Variants in CADM2 observed in about 807,000 individuals in gnomAD.
The protein encoded by CADM2 is cell adhesion molecule 2.
In CADM2, 12 loss-of-function variants were observed where a neutral mutation model predicts 49.8. The observed-to-expected ratio is 0.24, with a 90% CI of 0.15 to 0.39. CADM2 has a LOEUF of 0.39. Among genes scored for constraint, CADM2 ranks in the 10% least tolerant of loss-of-function variants. CADM2 has a pLI of 1.00. For missense variants in CADM2, 378 were observed against 492.3 expected (o/e 0.77, Z 2.20); for synonymous variants, 214 against 175.4 (o/e 1.22, Z -1.74).
intron 1 of CADM2, among the ~76,000 whole-genome samples, chr3:85,418,788 C>T (rs1241565038): frequency 6.6e-6 from 1 of 152,032 alleles, no homozygotes; most frequent in Non-Finnish European, 1.5e-5. Context: ...GCAATGGGAG[C>T]TGGGTATTAT....
chr3:85,719,803 T>A (rs2067432734), intron 1 of CADM2, among the ~76,000 whole-genome samples: 1 of 152,244 alleles, frequency 6.6e-6, no homozygotes, highest in South Asian at 2.1e-4. Context: ...TTTACTTAAA[T>A]ATTTAAAACA....
chr3:85,755,225 C>G (rs2069055121), intron 2 of CADM2, among the ~76,000 whole-genome samples: 2 of 152,178 alleles, frequency 1.3e-5, no homozygotes, highest in Non-Finnish European at 2.9e-5. Flanking sequence ...GTGGGGGTTC[C>G]CTCAAGCCTT....
intron 3 of CADM2, among the ~76,000 whole-genome samples, chr3:85,871,891 A>G (rs77418629): frequency 0.016 from 2,474 of 152,278 alleles, 62 homozygotes; most frequent in African/African-American, 0.056. Context: ...ATTCCCCAAA[A>G]TATTTGCATG....
intron 1 of CADM2, among the ~76,000 whole-genome samples, chr3:85,390,269 C>A (rs1055600795): frequency 6.6e-6 from 1 of 152,120 alleles, no homozygotes; most frequent in Non-Finnish European, 1.5e-5. Context: ...AGTTCCATTT[C>A]AAAAAGACAT....
At chr3:85,025,643 C>T (rs930002429) in intron 1 of CADM2, among the ~76,000 whole-genome samples, 1 of 152,116 alleles carries the variant, frequency 6.6e-6, no homozygotes, top group Non-Finnish European at 1.5e-5. Context: ...CTTTGCATAG[C>T]GCATTAGAGC....
At chr3:85,077,619 C>T (rs923609631) in intron 1 of CADM2, among the ~76,000 whole-genome samples, 1 of 151,930 alleles carries the variant, frequency 6.6e-6, no homozygotes, top group Non-Finnish European at 1.5e-5. Flanking sequence ...AAATGCACCC[C>T]TAGGTCTCTA....
intron 8 of CADM2, among the ~76,000 whole-genome samples, chr3:86,029,492 G>C (rs924998847): frequency 3.3e-5 from 5 of 151,926 alleles, no homozygotes; most frequent in African/African-American, 1.2e-4. Flanking sequence ...AGAGAGTTTG[G>C]GTTAGAAAAT....
intron 1 of CADM2, among the ~76,000 whole-genome samples, chr3:85,681,575 G>T (rs2066040128): frequency 2.0e-5 from 3 of 151,898 alleles, no homozygotes; most frequent in African/African-American, 7.3e-5. Flanking sequence ...TATCAGAACG[G>T]CATAACATGT....
rs147090193 is a variant in CADM2 at position 85,214,213 on chromosome 3, T to C, written c.61+254545T>C. ...TGTATTTGTTCCACCTTGGTGGTCT[T>C]GGTGGTAAGATATGGATGAATTCCA... On this transcript the variant is annotated intron_variant, in intron 1 of 9. Coordinates refer to ENST00000383699, the MANE Select transcript of CADM2 (RefSeq NM_001167675.2). Among the ~76,000 whole-genome samples the C allele has an allele frequency of 1.4e-3, 207 of 152,264 alleles. 1 individual carries two copies. The highest frequency in any genetic ancestry group is 2.4e-3 in the Non-Finnish European group (163 of 68,010).
intron 3 of CADM2, among the ~76,000 whole-genome samples, chr3:85,860,983 C>T (rs531855892): frequency 1.3e-5 from 2 of 152,230 alleles, no homozygotes; most frequent in South Asian, 4.2e-4. Flanking sequence ...AGGGGGACAG[C>T]AGTGTGACAT....
intron 6 of CADM2, among the ~76,000 whole-genome samples, chr3:85,926,446 A>G (rs958961473): frequency 1.3e-5 from 2 of 152,150 alleles, no homozygotes; most frequent in African/African-American, 2.4e-5. Flanking sequence ...GAAGTAAAAC[A>G]AAAGTGGCTT....
At chr3:85,570,796 A>G (rs1176750876) in intron 1 of CADM2, among the ~76,000 whole-genome samples, 1 of 152,158 alleles carries the variant, frequency 6.6e-6, no homozygotes, top group Non-Finnish European at 1.5e-5. Flanking sequence ...GTTTTGGGAG[A>G]GTAAATGATT....
intron 7 of CADM2, among the ~76,000 whole-genome samples, chr3:85,948,855 C>G (rs1055228060): frequency 9.2e-5 from 14 of 151,436 alleles, no homozygotes; most frequent in Non-Finnish European, 1.6e-4. Context: ...AAGCCCAAGT[C>G]TTGCAAATCC....
chr3:85,649,744 A>G (rs1478197411), intron 1 of CADM2, among the ~76,000 whole-genome samples: 2 of 152,052 alleles, frequency 1.3e-5, no homozygotes, highest in Non-Finnish European at 2.9e-5. Context: ...TTAGCTATGA[A>G]CTCACTCATG....
intron 8 of CADM2, among the ~76,000 whole-genome samples, chr3:86,006,618 T>C (rs1730822925): frequency 6.6e-6 from 1 of 152,234 alleles, no homozygotes; most frequent in African/African-American, 2.4e-5. Context: ...GAGGACTCCC[T>C]AGAGCTTCAG....
At chr3:85,784,542 CTATCTATCT>C (rs960119000) in intron 2 of CADM2, among the ~76,000 whole-genome samples, 7 of 99,428 alleles carry the variant, frequency 7.0e-5, no homozygotes, top group African/African-American at 3.2e-4. Context: ...ATCTATCTAT[CTATCTATCT>C]ATCTATCTAT....
chr3:85,302,892 A>G (rs2044133672), intron 1 of CADM2, among the ~76,000 whole-genome samples: 1 of 152,044 alleles, frequency 6.6e-6, no homozygotes, highest in African/African-American at 2.4e-5. Context: ...TAATAACCAG[A>G]CAGCATTTGG....
At chr3:86,001,685 A>G (rs989084698) in intron 8 of CADM2, among the ~76,000 whole-genome samples, 5 of 152,174 alleles carry the variant, frequency 3.3e-5, no homozygotes, top group African/African-American at 1.2e-4. Context: ...TGCCAGATAA[A>G]GGAATACTAG....
At chr3:85,924,628 A>T (rs1719594536) in intron 6 of CADM2, among the ~76,000 whole-genome samples, 1 of 111,380 alleles carries the variant, frequency 9.0e-6, no homozygotes. Context: ...AATAAATAAG[A>T]ATTAAAATGA....
Sources: allele counts gnomAD v4.1 joint callset (sites outside exome capture counted in the v4.1 genomes callset), GRCh38; gene constraint gnomAD v4.1.1; transcripts MANE v1.5; gene names NCBI Gene and HGNC (gene_info 2026-07-23, HGNC 2026-07-21).